The following HEMK2 variants were observed in gnomAD, a reference collection of about 807,000 sequenced individuals.
HEMK2 encodes the protein methyltransferase HEMK2.
At chr21:28,731,927 T>C in the HEMK2 span, among the ~76,000 whole-genome samples, 1 of 152,200 alleles carries the variant, frequency 6.6e-6, no homozygotes, top group South Asian at 2.1e-4. Context: ...CAGTAGCTGG[T>C]AGCCCACACA....
At chr21:28,747,132 T>C in the HEMK2 span, among the ~76,000 whole-genome samples, 6 of 152,164 alleles carry the variant, frequency 3.9e-5, no homozygotes, top group African/African-American at 1.4e-4. Context: ...CAGGTGTACC[T>C]GATGTTTTCA....
the HEMK2 span, among the ~76,000 whole-genome samples, chr21:28,593,693 C>T: frequency 2.0e-5 from 3 of 152,028 alleles, no homozygotes; most frequent in African/African-American, 4.8e-5. Flanking sequence ...CTCCCAATGG[C>T]CAAAGCTGGA....
chr21:28,672,487 G>C, the HEMK2 span, among the ~76,000 whole-genome samples: 1 of 152,120 alleles, frequency 6.6e-6, no homozygotes, highest in Non-Finnish European at 1.5e-5. Context: ...CCTCTGCCCT[G>C]TCAGAAATGT....
chr21:28,800,131 G>A, the HEMK2 span, among the ~76,000 whole-genome samples: 4 of 152,228 alleles, frequency 2.6e-5, no homozygotes, highest in South Asian at 2.1e-4. Flanking sequence ...CCAGACCTAC[G>A]TTGGTTGGGA....
chr21:28,712,805 T>C, the HEMK2 span, among the ~76,000 whole-genome samples: 1 of 152,184 alleles, frequency 6.6e-6, no homozygotes, highest in Non-Finnish European at 1.5e-5. Context: ...ATGAAATTGG[T>C]TTTTTAAAAT....
chr21:28,663,245 G>A, the HEMK2 span, among the ~76,000 whole-genome samples: 470 of 152,334 alleles, frequency 3.1e-3, 3 homozygotes, highest in Non-Finnish European at 5.3e-3. Context: ...ACAGAAACAA[G>A]TAGGGACTGT....
chr21:28,623,136 A>G, the HEMK2 span, among the ~76,000 whole-genome samples: 1 of 152,148 alleles, frequency 6.6e-6, no homozygotes, highest in Non-Finnish European at 1.5e-5. Flanking sequence ...ACTTAAACAA[A>G]TTTACAAGAA....
At chr21:28,751,637 C>T in the HEMK2 span, among the ~76,000 whole-genome samples, 1 of 152,162 alleles carries the variant, frequency 6.6e-6, no homozygotes, top group South Asian at 2.1e-4. Context: ...CAATTTTTAA[C>T]ATCTACGTTT....
chr21:28,695,526 AAG>A, the HEMK2 span, among the ~76,000 whole-genome samples: 1 of 152,216 alleles, frequency 6.6e-6, no homozygotes, highest in Non-Finnish European at 1.5e-5. Flanking sequence ...GGAAGCAGGC[AAG>A]AGAGCTTGTG....
chr21:28,633,504 A>G, the HEMK2 span, among the ~76,000 whole-genome samples: 1 of 152,218 alleles, frequency 6.6e-6, no homozygotes, highest in Non-Finnish European at 1.5e-5. Flanking sequence ...CAGGAAGCCT[A>G]CCAAATAAAT....
the HEMK2 span, among the ~76,000 whole-genome samples, chr21:28,731,569 T>C: frequency 7.7e-6 from 1 of 129,678 alleles, no homozygotes; most frequent in Non-Finnish European, 1.6e-5. Flanking sequence ...GAGCAGTTGC[T>C]CACAGGAAGG....
chr21:28,578,254 C>G, the HEMK2 span, among the ~76,000 whole-genome samples: 1 of 152,190 alleles, frequency 6.6e-6, no homozygotes, highest in Admixed American at 6.5e-5. Flanking sequence ...ATCTCACTAC[C>G]CCTTTCTGCT....
the HEMK2 span, among the ~76,000 whole-genome samples, chr21:28,764,885 T>C: frequency 8.2e-6 from 1 of 122,444 alleles, no homozygotes; most frequent in African/African-American, 3.6e-5. Context: ...TTTTTCAGTA[T>C]TGCTAACTGT....
chr21:28,817,581 A>G, the HEMK2 span, among the ~76,000 whole-genome samples: 2 of 152,240 alleles, frequency 1.3e-5, no homozygotes, highest in African/African-American at 4.8e-5. Flanking sequence ...CATAAGCTTA[A>G]GTATTCATTT....
chr21:28,696,681 C>G, the HEMK2 span, among the ~76,000 whole-genome samples: 2 of 152,156 alleles, frequency 1.3e-5, no homozygotes, highest in African/African-American at 4.8e-5. Context: ...ACTCCCATCC[C>G]ACATTTCCCT....
the HEMK2 span, among the ~76,000 whole-genome samples, chr21:28,803,291 TA>T: frequency 2.0e-5 from 3 of 152,184 alleles, no homozygotes; most frequent in African/African-American, 7.2e-5. Context: ...ATACACATCC[TA>T]AAACCTCAAG....
the HEMK2 span, among the ~76,000 whole-genome samples, chr21:28,700,012 C>G: frequency 2.0e-5 from 3 of 152,220 alleles, no homozygotes; most frequent in Admixed American, 2.0e-4. Context: ...CTAAATAAAG[C>G]AGCAACTGAT....
chr21:28,787,087 A>G, the HEMK2 span, among the ~76,000 whole-genome samples: 2 of 152,208 alleles, frequency 1.3e-5, no homozygotes, highest in Admixed American at 1.3e-4. Context: ...ATCTTCAACA[A>G]AGCAAACAAA....
chr21:28,733,670 G>A, the HEMK2 span, among the ~76,000 whole-genome samples: 4 of 151,104 alleles, frequency 2.6e-5, no homozygotes, highest in African/African-American at 9.7e-5. Context: ...TCACACACAG[G>A]AGTTTTGCCC....
Sources: allele counts gnomAD v4.1 joint callset (sites outside exome capture counted in the v4.1 genomes callset), GRCh38; gene constraint gnomAD v4.1.1; transcripts MANE v1.5; gene names NCBI Gene and HGNC (gene_info 2026-07-23, HGNC 2026-07-21).